ITCH: variants seen among roughly 807,000 people sequenced by gnomAD.
The protein encoded by ITCH is E3 ubiquitin-protein ligase Itchy homolog.
Under a neutral mutation model 126.8 loss-of-function variants are expected in ITCH, and 28 were observed. That is an observed-to-expected ratio of 0.22 (90% CI 0.16 to 0.30). The LOEUF (loss-of-function observed/expected upper bound fraction) is 0.30. Ranked by LOEUF, ITCH falls within the 10% of genes least tolerant of loss-of-function variation. The pLI, the probability that ITCH is intolerant of heterozygous loss-of-function variation, is 1.00. For synonymous variants in ITCH, 342 were observed against 340.0 expected (o/e 1.01, Z -0.06); for missense variants, 631 against 1,032.4 (o/e 0.61, Z 5.33).
rs143965658 is a variant in ITCH, at chr20:34,439,528, G to A, written c.680-627G>A. Among the ~76,000 whole-genome samples, 718 of 152,286 alleles carry A rather than the reference G, an allele frequency of 4.7e-3. 5 individuals carry two copies. The highest frequency in any genetic ancestry group is 8.0e-3 in the Non-Finnish European group (544 of 68,024). The stretch of plus-strand genomic sequence containing the variant: ...GAGCTGAAAGTGATCCTTCTGCCTC[G>A]GCCTCCCAAAGTGTGGGAGTTACGG... On this transcript the variant is annotated intron_variant, in intron 8 of 24. Transcript: ENST00000374864.
rs1189909539 is a variant in ITCH at position 34,510,474 on chromosome 20, G to A, written c.*2680G>A. 1 of 48,052 alleles carries A rather than the reference G, an allele frequency of 2.1e-5. No individual in the cohort carries two copies. The allele number at this position is 48,052 out of a possible 1,614,324, so 3.0% of individuals were successfully genotyped here. A position where few individuals can be genotyped will look rare whatever the true frequency, so the allele number is the denominator to read the frequency against. On this transcript the variant is annotated 3_prime_UTR_variant, in exon 25 of 25. Coordinates refer to ENST00000374864, the MANE Select transcript of ITCH (RefSeq NM_031483.7). ...TTTTTTTTTTTTTTTTTTTTTTACT[G>A]CATGTTACATTGAAATAAAAACAAA...
rs1474526653 is a variant in ITCH, at chr20:34,508,172, A to G, written c.*378A>G. ...AGGGAAGTCCTTTGGTAACTGCAAT[A>G]TACAAGATTTTCCTATTAAGCCTCT... On this transcript the variant is annotated 3_prime_UTR_variant, in exon 25 of 25. Coordinates refer to ENST00000374864, the MANE Select transcript of ITCH (RefSeq NM_031483.7). 8.0e-6 allele frequency: 2 copies of G among 249,198 alleles called. No homozygotes were observed. The highest frequency in any genetic ancestry group is 1.6e-5 in the Non-Finnish European group (2 of 124,608). The allele number at this position is 249,198 out of a possible 1,614,324, so 15.4% of individuals were successfully genotyped here.
chr20:34,484,304 A>G (rs866438457), intron 20 of ITCH, among the ~76,000 whole-genome samples: 34 of 152,188 alleles, frequency 2.2e-4, no homozygotes, highest in African/African-American at 7.5e-4. Context: ...TAAATTTTGC[A>G]TATTTACTTC....
intron 7 of ITCH, among the ~76,000 whole-genome samples, chr20:34,425,873 G>C (rs558894518): frequency 1.3e-5 from 2 of 152,204 alleles, no homozygotes; most frequent in African/African-American, 4.8e-5. Flanking sequence ...GTTGAGCGCC[G>C]GTCTCCTGGG....
intron 12 of ITCH, among the ~76,000 whole-genome samples, chr20:34,450,475 A>G (rs1025869587): frequency 6.6e-6 from 1 of 152,196 alleles, no homozygotes; most frequent in Non-Finnish European, 1.5e-5. Flanking sequence ...TACCTTAGTT[A>G]TTAAAATAGA....
At chr20:34,441,833 GTC>G (rs991707364) in intron 9 of ITCH, 6 of 258,644 alleles carry the variant, frequency 2.3e-5, no homozygotes, top group African/African-American at 1.1e-4. Context: ...TAATCCACCC[GTC>G]TCAGCCTCCC....
At chr20:34,489,635 A>G (rs369097978) in intron 21 of ITCH, among the ~76,000 whole-genome samples, 187 bp from the exon 22 acceptor site, 3 of 152,142 alleles carry the variant, frequency 2.0e-5, no homozygotes, top group African/African-American at 4.8e-5. Context: ...CTGAATATGT[A>G]TATGTATGAC....
At chr20:34,475,346 G>A (rs1452987662) in intron 16 of ITCH, among the ~76,000 whole-genome samples, 1 of 152,200 alleles carries the variant, frequency 6.6e-6, no homozygotes, top group Non-Finnish European at 1.5e-5. Flanking sequence ...TCACGCCACT[G>A]CACTCCAGCC....
At chr20:34,461,434 G>C (rs1408793780) in intron 13 of ITCH, among the ~76,000 whole-genome samples, 1 of 152,110 alleles carries the variant, frequency 6.6e-6, no homozygotes, top group African/African-American at 2.4e-5. Flanking sequence ...AAGATGGCTG[G>C]GCGCAGTGGC....
chr20:34,413,639 T>C (rs1167918535), intron 5 of ITCH, 103 bp from the exon 6 acceptor site: 3 of 1,057,364 alleles, frequency 2.8e-6, no homozygotes, highest in African/African-American at 3.2e-5. Flanking sequence ...CATATAGTTA[T>C]ATTTTCTCGG....
chr20:34,369,652 C>T (rs1301863640), intron 2 of ITCH, 182 bp downstream of exon 2: 3 of 388,366 alleles, frequency 7.7e-6, no homozygotes, highest in Admixed American at 4.5e-5. Context: ...AGCCTGTGAG[C>T]CACACTGTGC....
rs201436672 is a variant in ITCH at position 34,375,886 on chromosome 20, TA to T, written c.-22+6426del. On this transcript the variant is annotated intron_variant, in intron 2 of 24. Coordinates refer to ENST00000374864, the MANE Select transcript of ITCH (RefSeq NM_031483.7). ...TTAAAAAGGAAAGTTTTCAGAAGGT[TA>T]AAAAAAAAATTGAGGCAAAATTCAC... Among the ~76,000 whole-genome samples the T allele has an allele frequency of 3.9e-3, 576 of 148,186 alleles. 1 individual carries two copies. Among genetic ancestry groups the T allele is most frequent in the African/African-American group, 0.012 (490 of 40,586 alleles).
intron 3 of ITCH, among the ~76,000 whole-genome samples, chr20:34,404,287 A>C (rs2038979542): frequency 6.6e-6 from 1 of 152,042 alleles, no homozygotes; most frequent in Admixed American, 6.6e-5. Flanking sequence ...TATATTTGTA[A>C]TATTATGACT....
chr20:34,481,682 A>G (rs1988764003), intron 20 of ITCH, among the ~76,000 whole-genome samples: 1 of 152,138 alleles, frequency 6.6e-6, no homozygotes, highest in African/African-American at 2.4e-5. Flanking sequence ...GCAGCAGGCA[A>G]AGAGAGAGCT....
chr20:34,416,676 A>G (rs1184903113), intron 6 of ITCH, among the ~76,000 whole-genome samples: 1 of 152,154 alleles, frequency 6.6e-6, no homozygotes, highest in Non-Finnish European at 1.5e-5. Context: ...AGTTATATAA[A>G]TAAACTTTTT....
At chr20:34,488,871 C>T (rs958211058) in intron 20 of ITCH, among the ~76,000 whole-genome samples, 10 of 152,052 alleles carry the variant, frequency 6.6e-5, no homozygotes, top group Non-Finnish European at 1.3e-4. Context: ...GACACCATCT[C>T]TACATACAAA....
intron 3 of ITCH, chr20:34,401,527 C>A: frequency 3.0e-6 from 1 of 337,562 alleles, no homozygotes; most frequent in Non-Finnish European, 4.2e-6. Flanking sequence ...AATACTGGAT[C>A]TACTCAAGGG....
At chr20:34,375,430 T>C (rs1379253340) in intron 2 of ITCH, among the ~76,000 whole-genome samples, 1 of 151,370 alleles carries the variant, frequency 6.6e-6, no homozygotes, top group Non-Finnish European at 1.5e-5. Context: ...CCACAACATG[T>C]ACATATTTTA....
At chr20:34,477,445 G>A (rs984436746) in intron 16 of ITCH, among the ~76,000 whole-genome samples, 1 of 152,146 alleles carries the variant, frequency 6.6e-6, no homozygotes, top group Admixed American at 6.5e-5. Flanking sequence ...CAAGAGAATC[G>A]CTTGAACCTG....
Sources: allele counts gnomAD v4.1 joint callset (sites outside exome capture counted in the v4.1 genomes callset), GRCh38; gene constraint gnomAD v4.1.1; transcripts MANE v1.5; gene names NCBI Gene and HGNC (gene_info 2026-07-23, HGNC 2026-07-21).